The following SIK3 variants were observed in gnomAD, a reference collection of about 807,000 sequenced individuals.
SIK3 encodes serine/threonine-protein kinase SIK3.
In SIK3, 28 loss-of-function variants were observed where a neutral mutation model predicts 144.2. The observed-to-expected ratio is 0.19, with a 90% CI of 0.14 to 0.27. SIK3 has a LOEUF of 0.27. Among genes scored for constraint, SIK3 ranks in the 10% least tolerant of loss-of-function variants. The pLI is 1.00. For missense variants in SIK3, 1,319 were observed against 1,776.0 expected (o/e 0.74, Z 4.62); for synonymous variants, 686 against 676.3 (o/e 1.01, Z -0.22).
Position 116,858,288 on chromosome 11 carries a change from T to C in SIK3, c.3177A>G (p.Gln1059=), listed in dbSNP as rs1565368567. The change falls in exon 21 of 25, where the codon CAA becomes CAG. Residue 1059 remains glutamine (Q), a synonymous_variant. Transcript: ENST00000445177. The surrounding 1 kb of genome is among the most constrained non-coding windows in gnomAD (Gnocchi z 5.4). The part of the protein sequence containing the change: ...QQRQQQQQQQ[Q]QQEYQELFRH... ...TGAACAGTTCCTGGTATTCTTGCTG[T>C]TGCTGCTGTTGCTGCTGCTGCTGCC... 4 of 1,610,652 alleles carry C rather than the reference T, an allele frequency of 2.5e-6. No homozygotes were observed. In the Admixed American group the frequency reaches 5.0e-5, roughly 20 times the overall value.
At chr11:116,870,175 T>A in intron 14 of SIK3, 156 bp downstream of exon 14, 2 of 1,539,676 alleles carry the variant, frequency 1.3e-6, no homozygotes, top group Non-Finnish European at 1.7e-6. Flanking sequence ...TTCTGTTACT[T>A]CCATGTGGGG....
intron 1 of SIK3, among the ~76,000 whole-genome samples, chr11:117,030,165 C>T (rs2135792235): frequency 6.6e-6 from 1 of 152,116 alleles, no homozygotes; most frequent in African/African-American, 2.4e-5. Context: ...GGGCATAAAT[C>T]GAAACTATAT....
intron 11 of SIK3, among the ~76,000 whole-genome samples, chr11:116,874,626 A>G (rs1944147182): frequency 6.6e-6 from 1 of 152,332 alleles, no homozygotes; most frequent in South Asian, 2.1e-4. Flanking sequence ...CCTATTGCCT[A>G]TTTGATCATA....
chr11:117,061,021 G>A (rs537402557), intron 1 of SIK3, among the ~76,000 whole-genome samples: 47 of 152,246 alleles, frequency 3.1e-4, no homozygotes, highest in African/African-American at 1.1e-3. Flanking sequence ...CTGAGGTGAA[G>A]GGATCGCTTG....
At chr11:116,951,784 A>G (rs1193538413) in intron 3 of SIK3, among the ~76,000 whole-genome samples, 1 of 152,038 alleles carries the variant, frequency 6.6e-6, no homozygotes, top group African/African-American at 2.4e-5. Flanking sequence ...AAATTTAAAA[A>G]TTAGCCTGGC....
chr11:117,006,590 G>A (rs1951055886), intron 1 of SIK3, among the ~76,000 whole-genome samples: 1 of 151,742 alleles, frequency 6.6e-6, no homozygotes, highest in South Asian at 2.1e-4. Flanking sequence ...TTTAGCCTAG[G>A]AGTTGCAAAC....
chr11:116,938,276 AGAGGAGAGG>A (rs1479471944), intron 3 of SIK3, among the ~76,000 whole-genome samples: 3,883 of 90,236 alleles, frequency 0.043, 264 homozygotes, highest in African/African-American at 0.073. Flanking sequence ...AGAGGAGAGG[AGAGGAGAGG>A]AGAGGAGAGG....
chr11:116,988,165 G>T (rs899442149), intron 1 of SIK3, among the ~76,000 whole-genome samples: 2 of 152,162 alleles, frequency 1.3e-5, no homozygotes, highest in Non-Finnish European at 2.9e-5. Flanking sequence ...GGCCAAGGCA[G>T]GTGGATCACA....
intron 1 of SIK3, among the ~76,000 whole-genome samples, chr11:117,086,482 A>G (rs1272334671): frequency 6.6e-6 from 1 of 151,702 alleles, no homozygotes; most frequent in Non-Finnish European, 1.5e-5. Flanking sequence ...ACGAGGTAGG[A>G]GTTCAAGACC....
chr11:116,882,152 A>T (rs1252220525), intron 6 of SIK3, among the ~76,000 whole-genome samples: 1 of 152,030 alleles, frequency 6.6e-6, no homozygotes, highest in Non-Finnish European at 1.5e-5. Context: ...AAAATGGGCC[A>T]GGCAAATAGA....
intron 1 of SIK3, among the ~76,000 whole-genome samples, chr11:116,995,703 A>G (rs1245804563): frequency 6.6e-6 from 1 of 152,180 alleles, no homozygotes; most frequent in Admixed American, 6.5e-5. Context: ...AAATTTATAT[A>G]TCATCTATTT....
intron 1 of SIK3, among the ~76,000 whole-genome samples, chr11:117,025,301 A>G (rs946120054): frequency 1.1e-4 from 16 of 152,228 alleles, no homozygotes; most frequent in Admixed American, 1.0e-3. Flanking sequence ...GTAAAATGAG[A>G]GACAGCATGG....
chr11:117,033,909 A>C (rs1366773945), intron 1 of SIK3, among the ~76,000 whole-genome samples: 1 of 152,170 alleles, frequency 6.6e-6, no homozygotes, highest in Non-Finnish European at 1.5e-5. Flanking sequence ...ACAGTATATG[A>C]AATGAAGGAA....
chr11:116,893,449 G>A (rs1035283707), intron 6 of SIK3, among the ~76,000 whole-genome samples: 7 of 152,084 alleles, frequency 4.6e-5, no homozygotes, highest in African/African-American at 1.7e-4. Flanking sequence ...GGCCAAGGCA[G>A]GCAGATCGCC....
chr11:116,950,069 C>G (rs973806968), intron 3 of SIK3: 19 of 468,900 alleles, frequency 4.1e-5, no homozygotes, highest in Admixed American at 1.9e-4. Context: ...CAGCAAAAGA[C>G]AGTGAAACCA....
Position 116,877,013 on chromosome 11 carries a change from C to G in SIK3, c.895G>C (p.Val299Leu), listed in dbSNP as rs769590697. 8 of 1,614,026 alleles carry G rather than the reference C, an allele frequency of 5.0e-6. No homozygotes were observed. Among genetic ancestry groups the G allele is most frequent in the Non-Finnish European group, 6.8e-6 (8 of 1,180,038 alleles). ...ECEHLIRHML[V>L]LDPNKRLSME... ...GAGAGGCGCTTATTGGGATCTAACA[C>G]CAACATATGGCGGATCAAATGCTCA... The change falls in exon 7 of 25, where the codon GTG becomes CTG. Residue 299 changes from valine to leucine, a missense_variant. Transcript: ENST00000445177.
intron 1 of SIK3, among the ~76,000 whole-genome samples, chr11:117,055,174 G>A (rs1953455336): frequency 6.6e-6 from 1 of 152,170 alleles, no homozygotes; most frequent in South Asian, 2.1e-4. Context: ...AAGATATCTG[G>A]GGAGGCATCC....
Position 116,858,554 on chromosome 11 carries a change from G to A in SIK3, c.2911C>T (p.Pro971Ser), listed in dbSNP as rs184287857. 4.3e-6 allele frequency: 7 copies of A among 1,613,798 alleles called. No individual in the cohort carries two copies. The East Asian group carries it at 1.3e-4, about 31-fold the overall frequency. ...AAGGTGGGGAATTGGTCAAGTGGAG[G>A]GACTTTCAGGGCTTGGGTTGGAGAG... is the stretch of plus-strand genomic sequence containing the variant. ...GFSPTQALKV[P>S]PLDQFPTFPP... The change falls in exon 21 of 25, where the codon CCT (proline) becomes TCT (serine). Residue 971 changes from proline (P) to serine (S), a missense_variant. Around this residue, in one of 8 missense-constraint regions of SIK3, gnomAD observed 646 missense variants for 763.7 expected, o/e 0.85. Transcript: ENST00000445177. The surrounding 1 kb of genome is among the most constrained non-coding windows in gnomAD (Gnocchi z 5.4).
intron 14 of SIK3, 162 bp downstream of exon 14, chr11:116,870,169 G>T: frequency 6.5e-7 from 1 of 1,537,846 alleles, no homozygotes; most frequent in Non-Finnish European, 8.7e-7. Flanking sequence ...GTAGTCTTCT[G>T]TTACTTCCAT....
Sources: allele counts gnomAD v4.1 joint callset (sites outside exome capture counted in the v4.1 genomes callset), GRCh38; gene constraint gnomAD v4.1.1; regional missense constraint gnomAD v4.1.1; non-coding constraint Gnocchi (gnomAD v3.1); transcripts MANE v1.5; gene names NCBI Gene and HGNC (gene_info 2026-07-23, HGNC 2026-07-21).